CSF1R: variants seen among roughly 807,000 people sequenced by gnomAD.
The protein encoded by CSF1R is colony stimulating factor 1 receptor.
Under a neutral mutation model 110.0 loss-of-function variants are expected in CSF1R, and 40 were observed. The ratio of observed to expected loss-of-function variants is 0.36; its 90% CI spans 0.28 to 0.47. The LOEUF (loss-of-function observed/expected upper bound fraction) is 0.47. CSF1R is among the 20% of genes least tolerant of loss of function. The pLI is 0.99. For synonymous variants in CSF1R, 523 were observed against 503.4 expected, an observed-to-expected ratio of 1.04 and a Z score of -0.52; for missense variants, 1,052 against 1,253.0, an observed-to-expected ratio of 0.84 and a Z score of 2.42.
rs543063669 is a variant in CSF1R at position 150,103,855 on chromosome 5, A to G, written c.-181+9406T>C. Among the ~76,000 whole-genome samples, 3 of 152,336 alleles carry G rather than the reference A, an allele frequency of 2.0e-5. No homozygotes were observed. The East Asian group carries it at 5.8e-4, about 29-fold the overall frequency. ...GGTCCAAGTACTAAGAGTACCTGAC[A>G]ACCTGGCAGGGTGCCAGGGCTTGAT... is the stretch of plus-strand genomic sequence containing the variant. On this transcript the variant is annotated intron_variant, in intron 1 of 21. Coordinates refer to the CSF1R transcript ENST00000286301.
At chr5:150,102,177 G>A (rs1759423021) in intron 1 of CSF1R, among the ~76,000 whole-genome samples, 1 of 152,112 alleles carries the variant, frequency 6.6e-6, no homozygotes, top group South Asian at 2.1e-4. Flanking sequence ...GGGTCAAAGG[G>A]TAGGTACGTT....
intron 1 of CSF1R, among the ~76,000 whole-genome samples, chr5:150,081,844 A>AC (rs1758557543): frequency 1.3e-5 from 2 of 151,824 alleles, no homozygotes; most frequent in South Asian, 4.2e-4. Flanking sequence ...AGAACTTGAA[A>AC]CCCCTATCAG....
intron 1 of CSF1R, among the ~76,000 whole-genome samples, chr5:150,099,187 C>T (rs1329756025): frequency 2.0e-5 from 3 of 151,346 alleles, no homozygotes; most frequent in Admixed American, 6.6e-5. Context: ...GGATTACAGG[C>T]GTGAGCCACC....
chr5:150,065,277 G>C (rs1284892268), intron 10 of CSF1R, among the ~76,000 whole-genome samples: 1 of 151,968 alleles, frequency 6.6e-6, no homozygotes, highest in Non-Finnish European at 1.5e-5. Context: ...ATTCCCAGTG[G>C]AATCTTTGGG....
At chr5:150,081,168 C>T in intron 1 of CSF1R, 144 bp from the exon 2 acceptor site, 1 of 882,330 alleles carries the variant, frequency 1.1e-6, no homozygotes, top group Non-Finnish European at 1.7e-6. Context: ...GCCCCCTGGT[C>T]ATTTGCTCAG....
At chr5:150,055,983 G>C (rs2113777802) in intron 18 of CSF1R, 43 bp downstream of exon 18, 2 of 1,572,722 alleles carry the variant, frequency 1.3e-6, no homozygotes, top group African/African-American at 2.7e-5. Context: ...GCAACCAGAG[G>C]AGCCAGCCCC....
intron 1 of CSF1R, among the ~76,000 whole-genome samples, chr5:150,105,905 T>G (rs1228634256): frequency 1.3e-5 from 2 of 152,220 alleles, no homozygotes; most frequent in Non-Finnish European, 2.9e-5. Context: ...TTAGTGCTTT[T>G]AACACATGAG....
chr5:150,099,060 A>ATT (rs58025190), intron 1 of CSF1R, among the ~76,000 whole-genome samples: 67 of 126,760 alleles, frequency 5.3e-4, no homozygotes, highest in African/African-American at 1.8e-3. Context: ...CACCCAGCTA[A>ATT]TTTTTTTTTT....
chr5:150,104,227 C>T (rs1287271231), intron 1 of CSF1R, among the ~76,000 whole-genome samples: 1 of 152,214 alleles, frequency 6.6e-6, no homozygotes, highest in African/African-American at 2.4e-5. Flanking sequence ...GCAGAGACCC[C>T]TCTCTGGTGG....
At chr5:150,107,722 A>T (rs1759596026) in intron 1 of CSF1R, among the ~76,000 whole-genome samples, 2 of 152,226 alleles carry the variant, frequency 1.3e-5, no homozygotes, top group South Asian at 4.1e-4. Context: ...AGCCAGATAG[A>T]CCAGGAATTC....
rs216150 is a variant in CSF1R, at chr5:150,068,065, A to G, written c.1626+150T>C. On this transcript the variant is annotated intron_variant, in intron 10 of 20. Transcript: ENST00000675795. ...AGCCTCAGAGGCCACCCAGCAGCTG[A>G]CTCATGTTGGCATACAGTAGGCACC... The G allele has an allele frequency of 0.65, 401,194 of 618,964 alleles. 131,596 individuals are homozygous for G. The highest frequency in any genetic ancestry group is 0.71 in the African/African-American group (38,437 of 54,412). 38.3% of individuals were successfully genotyped at this position (618,964 alleles called of 1,614,324 possible).
rs2113779724 is a variant in CSF1R, at chr5:150,056,356, T to C, written c.2320-15A>G. The C allele has an allele frequency of 6.2e-7, 1 of 1,614,042 alleles. No individual in the cohort carries two copies. Reference sequence around the variant, plus strand: ...CGGTGGATGCACTGAGGGAAAGCACTGCAGGGTTAGTCTTGGGCCTTCTCC... The same window carrying C: ...CGGTGGATGCACTGAGGGAAAGCACCGCAGGGTTAGTCTTGGGCCTTCTCC... On this transcript the variant is annotated splice_polypyrimidine_tract_variant and intron_variant, in intron 16 of 20. Coordinates refer to ENST00000675795, the MANE Select transcript of CSF1R (RefSeq NM_001288705.3).
intron 1 of CSF1R, among the ~76,000 whole-genome samples, chr5:150,097,233 CA>C (rs1485387823): frequency 1.4e-5 from 2 of 146,894 alleles, no homozygotes; most frequent in Non-Finnish European, 3.0e-5. Flanking sequence ...GCCTGGGTGA[CA>C]AAGTGACACT....
At chr5:150,058,693 C>T (rs1757363252) in intron 14 of CSF1R, among the ~76,000 whole-genome samples, 1 of 151,906 alleles carries the variant, frequency 6.6e-6, no homozygotes, top group East Asian at 1.9e-4. Flanking sequence ...GCTGCCAGGC[C>T]CCCATTTTTA....
chr5:150,063,707 G>C (rs2237089), intron 10 of CSF1R, among the ~76,000 whole-genome samples: 10,027 of 152,206 alleles, frequency 0.066, 428 homozygotes, highest in East Asian at 0.14. Context: ...CAGCTGCTGA[G>C]GGGGAGTACC....
In CSF1R at chr5:150,080,418, C is replaced by T. The variant is rs1758483118; in HGVS notation, c.308-82G>A. The T allele has an allele frequency of 1.3e-5, 20 of 1,508,330 alleles. No homozygotes were observed. In the South Asian group the frequency reaches 1.8e-4, roughly 13 times the overall value. The allele number at this position is 1,508,330 out of a possible 1,614,324, so 93.4% of individuals were successfully genotyped here. A position where few individuals can be genotyped will look rare whatever the true frequency, so the allele number is the denominator to read the frequency against. ...TACCTGGACATAGGTGACAAGGAAG[C>T]TCAGAGAGGCTGATCATTCATCTGA... On this transcript the variant is annotated intron_variant, in intron 2 of 20. Transcript: ENST00000675795.
intron 3 of CSF1R, among the ~76,000 whole-genome samples, chr5:150,079,642 C>G (rs1758432512): frequency 6.6e-6 from 1 of 152,256 alleles, no homozygotes; most frequent in African/African-American, 2.4e-5. Context: ...GTCCCCACCT[C>G]ACCACTTGGT....
At chr5:150,101,167 G>A (rs1561963536) in intron 1 of CSF1R, among the ~76,000 whole-genome samples, 1 of 152,148 alleles carries the variant, frequency 6.6e-6, no homozygotes, top group Non-Finnish European at 1.5e-5. Context: ...ATGGAAGTGA[G>A]GGTGTTCCAG....
In CSF1R at chr5:150,080,439, T is replaced by C. The variant is rs556832921; in HGVS notation, c.308-103A>G. 2.8e-6 allele frequency: 4 copies of C among 1,437,648 alleles called. No homozygotes were observed. In the East Asian group the frequency reaches 9.5e-5, roughly 34 times the overall value. 89.1% of individuals were successfully genotyped at this position (1,437,648 alleles called of 1,614,324 possible). The stretch of plus-strand genomic sequence containing the variant: ...GAAGCTCAGAGAGGCTGATCATTCA[T>C]CTGAGGTCACACCACGCCAGGACAG... On this transcript the variant is annotated intron_variant, in intron 2 of 20. Coordinates refer to ENST00000675795, the MANE Select transcript of CSF1R (RefSeq NM_001288705.3).
Sources: gnomAD v4.1 joint callset for allele counts (sites outside exome capture counted in the v4.1 genomes callset) on GRCh38, gnomAD v4.1.1 for gene constraint, MANE v1.5 for transcripts, NCBI Gene and HGNC (gene_info 2026-07-23, HGNC 2026-07-21) for gene names.